The following CWF19L2 variants were observed in gnomAD, a reference collection of about 807,000 sequenced individuals.
The protein encoded by CWF19L2 is CWF19 like cell cycle control factor 2.
In CWF19L2, 98 loss-of-function variants were observed where a neutral mutation model predicts 111.7. The ratio of observed to expected loss-of-function variants is 0.88; its 90% CI spans 0.75 to 1.04. The LOEUF is 1.04. Ranked by LOEUF, CWF19L2 falls within the 50% of genes least tolerant of loss-of-function variation. CWF19L2 has a pLI of 0.00. For missense variants in CWF19L2, 1,101 were observed against 1,051.4 expected (o/e 1.05, Z -0.65); for synonymous variants, 351 against 342.9 (o/e 1.02, Z -0.26).
At chr11:107,361,750 CT>C (rs1860342157) in intron 12 of CWF19L2, among the ~76,000 whole-genome samples, 1 of 152,088 alleles carries the variant, frequency 6.6e-6, no homozygotes, top group African/African-American at 2.4e-5. Flanking sequence ...ATGGGATTAC[CT>C]TGATGACTTC....
intron 12 of CWF19L2, among the ~76,000 whole-genome samples, chr11:107,379,656 A>T (rs1860651950): frequency 6.6e-6 from 1 of 152,246 alleles, no homozygotes; most frequent in Admixed American, 6.5e-5. Context: ...CATTTTAAAC[A>T]TACAAAAATA....
chr11:107,404,214 A>AT, intron 10 of CWF19L2: 2 of 777,380 alleles, frequency 2.6e-6, no homozygotes, highest in South Asian at 2.7e-5. Context: ...TCATAAATTC[A>AT]TTGTACTCTT....
At chr11:107,364,537 CT>C (rs1361225918) in intron 12 of CWF19L2, among the ~76,000 whole-genome samples, 1 of 144,380 alleles carries the variant, frequency 6.9e-6, no homozygotes, top group Non-Finnish European at 1.5e-5. Context: ...AACCGCTCAA[CT>C]ACATGGAAAC....
rs533452954 is a variant in CWF19L2, at chr11:107,348,585, C to A, written c.2202+352G>T. 9.8e-4 allele frequency: 152 copies of A among 155,110 alleles called. 1 individual carries two copies. Among genetic ancestry groups the A allele is most frequent in the Non-Finnish European group, 1.8e-3 (128 of 69,858 alleles). 9.6% of individuals were successfully genotyped at this position (155,110 alleles called of 1,614,324 possible). On this transcript the variant is annotated intron_variant, in intron 14 of 17. Transcript: ENST00000282251. ...GACTCCTCAAATTTCTTTTCATTAT[C>A]TGAAAACGTCTTTCCTTTCAGCTGC...
At chr11:107,426,783 T>C (rs987007610) in intron 8 of CWF19L2, among the ~76,000 whole-genome samples, 2 of 151,598 alleles carry the variant, frequency 1.3e-5, no homozygotes, top group Non-Finnish European at 1.5e-5. Context: ...TATGTTTTTA[T>C]AAAATTTTAT....
chr11:107,443,523 T>C (rs784151), intron 3 of CWF19L2, among the ~76,000 whole-genome samples: 23 of 151,978 alleles, frequency 1.5e-4, no homozygotes, highest in Non-Finnish European at 3.2e-4. Flanking sequence ...AACCCACTAG[T>C]TTGAGTTAAG....
intron 12 of CWF19L2, among the ~76,000 whole-genome samples, chr11:107,362,200 C>A (rs938653644): frequency 4.3e-5 from 2 of 46,174 alleles, no homozygotes; most frequent in Admixed American, 2.9e-4. Flanking sequence ...CTGATTGCTA[C>A]CACAGCAGCT....
At chr11:107,424,175 A>G (rs976124069) in intron 8 of CWF19L2, among the ~76,000 whole-genome samples, 10 of 140,046 alleles carry the variant, frequency 7.1e-5, no homozygotes, top group Non-Finnish European at 9.6e-5. Context: ...CTGTAGCCAC[A>G]TTTCCCTCTT....
At position 107,454,567 on chromosome 11, in the gene CWF19L2, G is replaced by C. The variant is rs1339921977; in HGVS notation, c.222C>G (p.His74Gln). Residue 74 changes from histidine (H) to glutamine (Q), a missense_variant, in exon 3 of 18, where the codon CAC (histidine) becomes CAG (glutamine). Coordinates refer to ENST00000282251, the MANE Select transcript of CWF19L2 (RefSeq NM_152434.3). ...NERIEQFSQE[H>Q]SVKKKKKKDK... ...CTTTTTTCTTCTTTTTCTTCACAGA[G>C]TGTTCCTACAATCATTTTGAACAGG... 1 of 1,403,462 alleles carries C rather than the reference G, an allele frequency of 7.1e-7. No individual in the cohort carries two copies. The highest frequency in any genetic ancestry group is 3.2e-5 in the Admixed American group (1 of 31,252). The allele number at this position is 1,403,462 out of a possible 1,614,324, so 86.9% of individuals were successfully genotyped here.
At chr11:107,362,299 G>A (rs530016208) in intron 12 of CWF19L2, among the ~76,000 whole-genome samples, 1 of 152,032 alleles carries the variant, frequency 6.6e-6, no homozygotes, top group Non-Finnish European at 1.5e-5. Context: ...CAGCCAGGAA[G>A]CTCGAACTGG....
intron 12 of CWF19L2, among the ~76,000 whole-genome samples, chr11:107,378,997 C>G (rs935301579): frequency 6.6e-6 from 1 of 152,058 alleles, no homozygotes; most frequent in Admixed American, 6.5e-5. Flanking sequence ...GCTTTCTAAT[C>G]TAGGTTAGAT....
intron 10 of CWF19L2, among the ~76,000 whole-genome samples, chr11:107,412,371 C>T (rs971947186): frequency 6.6e-6 from 1 of 152,116 alleles, no homozygotes; most frequent in Non-Finnish European, 1.5e-5. Context: ...GATGGAGTCC[C>T]ACACTGCCGC....
At chr11:107,452,257 T>A (rs1202004511) in intron 3 of CWF19L2, among the ~76,000 whole-genome samples, 2 of 152,172 alleles carry the variant, frequency 1.3e-5, no homozygotes, top group African/African-American at 4.8e-5. Flanking sequence ...GGTGAATATA[T>A]CAAAAGCAGG....
intron 6 of CWF19L2, among the ~76,000 whole-genome samples, chr11:107,437,045 C>CA (rs948207178): frequency 3.3e-5 from 5 of 151,958 alleles, no homozygotes; most frequent in African/African-American, 9.7e-5. Flanking sequence ...AATTCTAAGA[C>CA]AAAAAATCAA....
chr11:107,443,447 C>T (rs1861660093), intron 3 of CWF19L2, among the ~76,000 whole-genome samples: 1 of 151,804 alleles, frequency 6.6e-6, no homozygotes, highest in Non-Finnish European at 1.5e-5. Context: ...CACACCACTG[C>T]ACTCCAACCT....
intron 12 of CWF19L2, among the ~76,000 whole-genome samples, chr11:107,365,157 A>G (rs11820730): frequency 0.82 from 116,138 of 141,816 alleles, 48,618 homozygotes; most frequent in African/African-American, 0.95. Context: ...ACCAATAAGA[A>G]GAGCTGAAAT....
At chr11:107,339,286 C>T (rs59525924) in intron 14 of CWF19L2, among the ~76,000 whole-genome samples, 36,173 of 152,018 alleles carry the variant, frequency 0.24, 4,618 homozygotes, top group Non-Finnish European at 0.29. Flanking sequence ...AATAAAGCTG[C>T]TATGAACATT....
intron 17 of CWF19L2, among the ~76,000 whole-genome samples, chr11:107,329,223 A>C (rs1229182567): frequency 1.3e-5 from 2 of 152,104 alleles, no homozygotes; most frequent in African/African-American, 4.8e-5. Context: ...TGCTGCATTA[A>C]CTTTATTCCA....
intron 10 of CWF19L2, chr11:107,404,629 T>A: frequency 1.9e-6 from 1 of 529,198 alleles, no homozygotes; most frequent in Non-Finnish European, 3.5e-6. Context: ...CTTCCCTTTG[T>A]CCCACGCTTA....
Sources: gnomAD v4.1 joint callset for allele counts (sites outside exome capture counted in the v4.1 genomes callset) on GRCh38, gnomAD v4.1.1 for gene constraint, MANE v1.5 for transcripts, NCBI Gene and HGNC (gene_info 2026-07-23, HGNC 2026-07-21) for gene names.